PHKA2: variants seen among roughly 807,000 people sequenced by gnomAD.
PHKA2 encodes phosphorylase b kinase regulatory subunit alpha, liver isoform.
A neutral mutation model predicts 102.0 loss-of-function variants in PHKA2; 31 were observed. The ratio of observed to expected loss-of-function variants is 0.30; its 90% confidence interval spans 0.23 to 0.41. The LOEUF (loss-of-function observed/expected upper bound fraction) is 0.41, where lower values mean the gene tolerates loss of function less well. Ranked by LOEUF, PHKA2 falls within the 10% of genes least tolerant of loss-of-function variation. The pLI, the probability that PHKA2 is intolerant of heterozygous loss-of-function variation, is 1.00. For missense variants in PHKA2, 858 were observed against 1,023.1 expected (o/e 0.84, Z 2.20); for synonymous variants, 455 against 416.2 (o/e 1.09, Z -1.13).
chrX:18,959,238 G>T (rs2048830209), intron 1 of PHKA2, among the ~76,000 whole-genome samples: 1 of 112,030 alleles, frequency 8.9e-6, no homozygotes, highest in South Asian at 3.7e-4. Context: ...GAATTAATTC[G>T]TATCAAGCTT....
chrX:18,951,167 C>A lies in PHKA2; in HGVS notation c.391G>T (p.Gly131Cys). 8.3e-7 allele frequency: 1 copy of A among 1,211,315 alleles called. No individual in the cohort carries two copies. The highest frequency in any genetic ancestry group is 1.1e-6 in the Non-Finnish European group (1 of 895,119). Reference protein sequence around the residue: ...CGTVVGDDQWGHLQVDATSLF... With the variant: ...CGTVVGDDQWCHLQVDATSLF... ...GAGGTGGCATCCACCTGGAGGTGGCCCCACTGGTCGTCGCCCACCACCGTG... is the reference window on the plus strand; with the variant it reads ...GAGGTGGCATCCACCTGGAGGTGGCACCACTGGTCGTCGCCCACCACCGTG... Residue 131 changes from glycine to cysteine, a missense_variant, in exon 4 of 33, where the codon GGC (glycine) becomes TGC (cysteine). By Grantham distance (159) the Gly-to-Cys change is radical (BLOSUM62 -3). Around this residue, in one of 2 missense-constraint regions of PHKA2, gnomAD observed 187 missense variants for 277.9 expected, o/e 0.67. Transcript: ENST00000379942.
rs1300214239 is a variant in PHKA2 at position 18,948,579 on chromosome X, A to G, written c.537+165T>C. On this transcript the variant is annotated intron_variant, in intron 5 of 32. Coordinates refer to ENST00000379942, the MANE Select transcript of PHKA2 (RefSeq NM_000292.3). ...AACCTGAAACCCCCAACTCTATTCC[A>G]GGACAAAAATATGCAGTTTGTGTGT... Among the ~76,000 whole-genome samples the G allele has an allele frequency of 5.3e-5, 6 of 112,735 alleles. No individual in the cohort carries two copies. In the Admixed American group the frequency reaches 5.6e-4, roughly 11 times the overall value.
intron 12 of PHKA2, among the ~76,000 whole-genome samples, chrX:18,930,084 T>C (rs186559083): frequency 1.4e-3 from 154 of 112,635 alleles, no homozygotes; most frequent in African/African-American, 4.5e-3. Context: ...TTGTTGAAAC[T>C]ATGCATAAAA....
rs60452088 is a variant in PHKA2, at chrX:18,969,116, TAAAAA to T, written c.79-14709_79-14705del. Among the ~76,000 whole-genome samples, 461 of 97,423 alleles carry T rather than the reference TAAAAA, an allele frequency of 4.7e-3. 2 individuals carry two copies. The highest frequency in any genetic ancestry group is 0.016 in the African/African-American group (436 of 26,939). The allele number at this position is 97,423 out of a possible 115,157, so 84.6% of individuals were successfully genotyped here. A position where few individuals can be genotyped will look rare whatever the true frequency, so the allele number is the denominator to read the frequency against. The stretch of plus-strand genomic sequence containing the variant: ...CAACAAGAGAGAAACTCTGTATATT[TAAAAA>T]AAAAAAAAAAAGTTTCCCCAAAATC... On this transcript the variant is annotated intron_variant, in intron 1 of 32. Coordinates refer to ENST00000379942, the MANE Select transcript of PHKA2 (RefSeq NM_000292.3).
At chrX:18,955,040 T>C (rs2048754514) in intron 1 of PHKA2, among the ~76,000 whole-genome samples, 1 of 112,889 alleles carries the variant, frequency 8.9e-6, no homozygotes, top group African/African-American at 3.2e-5. Flanking sequence ...CAAAAAATTA[T>C]ACACAAATGT....
At position 18,905,796 on chromosome X, in the gene PHKA2, T is replaced by C. The variant is rs755911581; in HGVS notation, c.2870A>G (p.His957Arg). 4.7e-5 allele frequency: 57 copies of C among 1,208,641 alleles called. No homozygotes were observed. The South Asian group carries it at 9.7e-4, about 20-fold the overall frequency. Residue 957 changes from histidine (H) to arginine (R), a missense_variant, in exon 26 of 33, where the codon CAT becomes CGT. His to Arg is a conservative substitution (Grantham distance 29). Transcript: ENST00000379942. The part of the protein sequence containing the change: ...SPFDMKNLLH[H>R]ILSGKEFGVE... The stretch of plus-strand genomic sequence containing the variant: ...GCCAAACTCTTTCCCACTTAGAATA[T>C]GGTGCAGGAGATTTTTCATATCGAA...
intron 3 of PHKA2, among the ~76,000 whole-genome samples, chrX:18,952,179 T>C (rs1196190378): frequency 3.9e-5 from 3 of 76,168 alleles, no homozygotes; most frequent in East Asian, 8.3e-4. Flanking sequence ...TGAGATATTG[T>C]ATCTACAAAA....
At chrX:18,954,503 C>T (rs1038031743) in intron 1 of PHKA2, 91 bp from the exon 2 acceptor site, 14 of 928,306 alleles carry the variant, frequency 1.5e-5, no homozygotes, top group African/African-American at 1.2e-4. Context: ...AGATGAGGAC[C>T]GGGACCTGGA....
At chrX:18,934,289 C>T (rs1335910039) in intron 11 of PHKA2, among the ~76,000 whole-genome samples, 3 of 112,320 alleles carry the variant, frequency 2.7e-5, no homozygotes, top group Non-Finnish European at 5.6e-5. Flanking sequence ...TAGCAGGCTC[C>T]GTAGACTGAT....
At chrX:18,936,839 C>T (rs1263654445) in intron 10 of PHKA2, among the ~76,000 whole-genome samples, 1 of 112,027 alleles carries the variant, frequency 8.9e-6, no homozygotes, top group Non-Finnish European at 1.9e-5. Context: ...GTGTGAGCGA[C>T]AGCAAAGGTG....
At position 18,893,338 on chromosome X, in the gene PHKA2, G is replaced by A; in HGVS notation, c.*147C>T. ...TGGCTTTAACATACATCAGTTTCAG[G>A]GTGAGTGCTACCATTGCCCCCCGAG... On this transcript the variant is annotated 3_prime_UTR_variant, in exon 33 of 33. Transcript: ENST00000379942. 1.7e-6 allele frequency: 1 copy of A among 585,703 alleles called. No homozygotes were observed. Among genetic ancestry groups the A allele is most frequent in the East Asian group, 3.3e-5 (1 of 30,095 alleles). The allele number at this position is 585,703 out of a possible 1,213,427, so 48.3% of individuals were successfully genotyped here.
intron 3 of PHKA2, among the ~76,000 whole-genome samples, chrX:18,952,185 CAAA>C (rs1282109594): frequency 9.3e-5 from 2 of 21,513 alleles, no homozygotes; most frequent in Admixed American, 6.1e-4. Flanking sequence ...ATTGTATCTA[CAAA>C]AAAAAAAAAA....
At chrX:18,934,789 C>T (rs1452854570) in intron 11 of PHKA2, among the ~76,000 whole-genome samples, 1 of 111,256 alleles carries the variant, frequency 9.0e-6, no homozygotes, top group African/African-American at 3.2e-5. Flanking sequence ...GTGAGAGCAT[C>T]CACTGTGTAG....
intron 7 of PHKA2, among the ~76,000 whole-genome samples, chrX:18,943,187 C>A (rs946952589): frequency 6.3e-5 from 7 of 111,846 alleles, no homozygotes; most frequent in African/African-American, 2.3e-4. Flanking sequence ...GTGCACTCTG[C>A]TCAATAGAAT....
At chrX:18,955,771 T>C (rs890865795) in intron 1 of PHKA2, among the ~76,000 whole-genome samples, 1 of 112,339 alleles carries the variant, frequency 8.9e-6, no homozygotes, top group African/African-American at 3.2e-5. Flanking sequence ...AACACTGGCA[T>C]GGTTTCACAT....
At chrX:18,958,450 T>G (rs2048815953) in intron 1 of PHKA2, among the ~76,000 whole-genome samples, 1 of 111,911 alleles carries the variant, frequency 8.9e-6, no homozygotes, top group Admixed American at 9.5e-5. Flanking sequence ...AAAATGGGAC[T>G]GCTGGGTTGG....
intron 9 of PHKA2, among the ~76,000 whole-genome samples, chrX:18,939,611 A>G (rs951317317): frequency 1.2e-4 from 13 of 112,117 alleles, no homozygotes; most frequent in Non-Finnish European, 2.4e-4. Context: ...CTCCTGCCTC[A>G]GCCTTCTGAG....
At chrX:18,947,426 C>T (rs1474998484) in intron 5 of PHKA2, among the ~76,000 whole-genome samples, 1 of 112,159 alleles carries the variant, frequency 8.9e-6, no homozygotes, top group Non-Finnish European at 1.9e-5. Flanking sequence ...CACATTTATA[C>T]TCAGCAAATC....
At chrX:18,936,248 T>G in intron 10 of PHKA2, 98 bp from the exon 11 acceptor site, 4 of 574,053 alleles carry the variant, frequency 7.0e-6, no homozygotes, top group Non-Finnish European at 1.2e-5. Context: ...TGGCAACAGA[T>G]TAGAGTTCAG....
Sources: allele counts gnomAD v4.1 joint callset (sites outside exome capture counted in the v4.1 genomes callset), GRCh38; gene constraint gnomAD v4.1.1; regional missense constraint gnomAD v4.1.1; transcripts MANE v1.5; gene names NCBI Gene and HGNC (gene_info 2026-07-23, HGNC 2026-07-21).